The following SAMD3 variants were observed in gnomAD, a reference collection of about 807,000 sequenced individuals.
SAMD3 encodes sterile alpha motif domain-containing protein 3.
Under a neutral mutation model 58.5 loss-of-function variants are expected in SAMD3, and 63 were observed. That is an observed-to-expected ratio of 1.08 (90% CI 0.88 to 1.33). The LOEUF (loss-of-function observed/expected upper bound fraction) is 1.33. Ranked by LOEUF, SAMD3 falls within the 40% of genes most tolerant of loss-of-function variation. The probability of loss-of-function intolerance (pLI) is 0.00; values close to 1 mark genes in which losing one functional copy is unlikely to be tolerated. For missense variants in SAMD3, 604 were observed against 608.4 expected, an observed-to-expected ratio of 0.99 and a Z score of 0.08; for synonymous variants, 220 against 210.3, an observed-to-expected ratio of 1.05 and a Z score of -0.40.
chr6:130,250,315 G>A (rs1019509968), intron 2 of SAMD3, among the ~76,000 whole-genome samples: 2 of 152,068 alleles, frequency 1.3e-5, no homozygotes, highest in South Asian at 2.1e-4. Flanking sequence ...TCTACCAGGC[G>A]CCCTTATTCT....
rs1773892252 is a variant in SAMD3 at position 130,255,473 on chromosome 6, G to C, written c.-187-32660C>G. On this transcript the variant is annotated intron_variant, in intron 2 of 13. Coordinates refer to the SAMD3 transcript ENST00000368134. ...TAACATTTGCTTTATATATTTATGT[G>C]TTCAAATATTGGGTGCATAAATATT... is the stretch of plus-strand genomic sequence containing the variant. Among the ~76,000 whole-genome samples the C allele has an allele frequency of 1.3e-5, 2 of 152,028 alleles. 1 individual carries two copies. The highest frequency in any genetic ancestry group is 4.1e-4 in the South Asian group (2 of 4,826).
At chr6:130,338,258 G>A (rs745676306) in intron 1 of SAMD3, among the ~76,000 whole-genome samples, 8 of 152,258 alleles carry the variant, frequency 5.3e-5, no homozygotes, top group Non-Finnish European at 7.3e-5. Context: ...TGGATGCACA[G>A]AAGTCAAGAA....
intron 2 of SAMD3, among the ~76,000 whole-genome samples, chr6:130,271,135 G>A (rs1308246039): frequency 6.6e-6 from 1 of 152,008 alleles, no homozygotes; most frequent in Admixed American, 6.6e-5. Flanking sequence ...AAGTAGCTGG[G>A]ACTACAGGAG....
chr6:130,364,917 A>C (rs1778092063), intron 1 of SAMD3, among the ~76,000 whole-genome samples: 2 of 114,786 alleles, frequency 1.7e-5, no homozygotes, highest in South Asian at 6.5e-4. Flanking sequence ...ACCCCCCCAG[A>C]AGCAAACTTT....
At chr6:130,365,141 A>T in exon 1 of SAMD3, 1 of 973,802 alleles carries the variant, frequency 1.0e-6, no homozygotes, top group Non-Finnish European at 1.2e-6. Context: ...GCATATATAC[A>T]GTCATCACCG....
In SAMD3 at chr6:130,176,001, C is replaced by T. The variant is rs147217519; in HGVS notation, c.662G>A (p.Trp221Ter). ...AAAGCGATCTTTGAGGGCTCGTTTC[C>T]ATAAAAACTGTAAAATAAAACAGAC... is the stretch of plus-strand genomic sequence containing the variant. Reference protein sequence around the residue: ...LDEDGCGFFLWKRALKDRFKY... With the variant: ...LDEDGCGFFL The change falls in exon 8 of 12, where the codon TGG becomes TAG. Residue 221 changes from tryptophan to a stop codon, truncating the protein, a stop_gained. Transcript: ENST00000439090. LOFTEE classifies it high-confidence loss of function. 45 of 1,611,978 alleles carry T rather than the reference C, an allele frequency of 2.8e-5. No individual in the cohort carries two copies. In the African/African-American group the frequency reaches 4.7e-4, roughly 17 times the overall value.
At chr6:130,240,259 G>C (rs1205708119) in intron 2 of SAMD3, among the ~76,000 whole-genome samples, 1 of 152,006 alleles carries the variant, frequency 6.6e-6, no homozygotes, top group East Asian at 1.9e-4. Context: ...AATTCCTCTG[G>C]AGTCCCAAGG....
At chr6:130,179,157 C>G (rs2114682295) in intron 7 of SAMD3, among the ~76,000 whole-genome samples, 1 of 152,270 alleles carries the variant, frequency 6.6e-6, no homozygotes. Context: ...CTAGCCTCTC[C>G]CATCTCTCCT....
Position 130,311,563 on chromosome 6 carries a change from A to T in SAMD3, c.-188+1415T>A, listed in dbSNP as rs544148394. 2.3e-4 allele frequency among the ~76,000 whole-genome samples: 35 copies of T among 152,320 alleles called. No homozygotes were observed. The East Asian group carries it at 6.2e-3, about 27-fold the overall frequency. On this transcript the variant is annotated intron_variant, in intron 2 of 13. Transcript: ENST00000368134. ...GGAATACCTGAAGTGTTGAAAAAAA[A>T]TTTGTGAAGACATCTGCCAGACTAC... is the stretch of plus-strand genomic sequence containing the variant.
chr6:130,166,011 A>C (rs1460539589), intron 8 of SAMD3, among the ~76,000 whole-genome samples: 6 of 152,146 alleles, frequency 3.9e-5, no homozygotes, highest in Non-Finnish European at 8.8e-5. Flanking sequence ...TCCCTCCACC[A>C]GTCCATCTCC....
chr6:130,223,988 T>C (rs1796311427), upstream of SAMD3, among the ~76,000 whole-genome samples: 1 of 152,136 alleles, frequency 6.6e-6, no homozygotes, highest in Non-Finnish European at 1.5e-5. Flanking sequence ...CATGTAGGCT[T>C]GGAGAATGGG....
At chr6:130,212,952 T>C (rs1159235178) in intron 4 of SAMD3, among the ~76,000 whole-genome samples, 2 of 152,138 alleles carry the variant, frequency 1.3e-5, no homozygotes, top group Non-Finnish European at 2.9e-5. Flanking sequence ...CTTTTTTACA[T>C]AGATATGCCA....
intron 2 of SAMD3, among the ~76,000 whole-genome samples, chr6:130,260,203 G>A (rs953074629): frequency 7.2e-5 from 11 of 152,264 alleles, no homozygotes; most frequent in Admixed American, 5.2e-4. Context: ...CAGGTAGCCC[G>A]GTGCCTAGGA....
In SAMD3 at chr6:130,279,756, A is replaced by G. The variant is rs9654639; in HGVS notation, c.-188+33222T>C. ...CGCCTCGGCCTCCCAAAGTGATGGG[A>G]TTACAGGTGTGAGCCACTGTGCCTG... On this transcript the variant is annotated intron_variant, in intron 2 of 13. Coordinates refer to the SAMD3 transcript ENST00000368134. 9.1e-3 allele frequency among the ~76,000 whole-genome samples: 1,391 copies of G among 152,258 alleles called. 19 individuals carry two copies. Among genetic ancestry groups the G allele is most frequent in the African/African-American group, 0.031 (1,304 of 41,542 alleles).
chr6:130,266,038 T>C (rs199935251), intron 2 of SAMD3, among the ~76,000 whole-genome samples: 2 of 152,140 alleles, frequency 1.3e-5, no homozygotes, highest in East Asian at 3.9e-4. Flanking sequence ...CAGTGGTCAG[T>C]GTAACCCCTT....
At chr6:130,288,493 G>C (rs117732129) in intron 2 of SAMD3, among the ~76,000 whole-genome samples, 3,833 of 152,298 alleles carry the variant, frequency 0.025, 69 homozygotes, top group Non-Finnish European at 0.04. Context: ...CTAGACTGGT[G>C]TTTGACTAAA....
intron 1 of SAMD3, among the ~76,000 whole-genome samples, chr6:130,336,503 A>T (rs1241178780): frequency 6.6e-6 from 1 of 152,210 alleles, no homozygotes; most frequent in Non-Finnish European, 1.5e-5. Context: ...CATTTTGGAT[A>T]ACTGGTTCCA....
intron 5 of SAMD3, among the ~76,000 whole-genome samples, chr6:130,192,114 C>T (rs1793603323): frequency 1.3e-5 from 2 of 152,240 alleles, no homozygotes; most frequent in Admixed American, 6.5e-5. Flanking sequence ...TGTGAGCACT[C>T]AACTACATCT....
intron 2 of SAMD3, among the ~76,000 whole-genome samples, chr6:130,240,315 CT>C (rs1467603526): frequency 6.6e-6 from 1 of 152,192 alleles, no homozygotes; most frequent in African/African-American, 2.4e-5. Flanking sequence ...CACCAAATCT[CT>C]GTGTGTCTTA....
Sources: gnomAD v4.1 joint callset for allele counts (sites outside exome capture counted in the v4.1 genomes callset) on GRCh38, gnomAD v4.1.1 for gene constraint, MANE v1.5 for transcripts, NCBI Gene and HGNC (gene_info 2026-07-23, HGNC 2026-07-21) for gene names.